The following MYB variants were observed in gnomAD, a reference collection of about 807,000 sequenced individuals.
MYB encodes the protein transcriptional activator Myb.
In MYB, 28 loss-of-function variants were observed where a neutral mutation model predicts 92.9. The ratio of observed to expected loss-of-function variants is 0.30; its 90% CI spans 0.22 to 0.41. The LOEUF is 0.41. Among genes scored for constraint, MYB ranks in the 10% least tolerant of loss-of-function variants. The pLI, the probability that MYB is intolerant of heterozygous loss-of-function variation, is 1.00. For synonymous variants in MYB, 295 were observed against 329.1 expected, an observed-to-expected ratio of 0.90 and a Z score of 1.12; for missense variants, 679 against 929.3, an observed-to-expected ratio of 0.73 and a Z score of 3.50.
At chr6:135,199,575 G>A in intron 11 of MYB, 1 of 1,053,266 alleles carries the variant, frequency 9.5e-7, no homozygotes, top group Non-Finnish European at 1.2e-6. Flanking sequence ...TAGAAGCCAA[G>A]GGATGAGTAA....
Position 135,218,112 on chromosome 6 carries a change from C to T in MYB, c.*132C>T. 1.5e-6 allele frequency: 1 copy of T among 663,524 alleles called. No individual in the cohort carries two copies. Among genetic ancestry groups the T allele is most frequent in the Non-Finnish European group, 2.6e-6 (1 of 380,596 alleles). The allele number at this position is 663,524 out of a possible 1,614,324, so 41.1% of individuals were successfully genotyped here. A position where few individuals can be genotyped will look rare whatever the true frequency, so the allele number is the denominator to read the frequency against. On this transcript the variant is annotated 3_prime_UTR_variant, in exon 16 of 16. Coordinates refer to ENST00000341911, the MANE Select transcript of MYB (RefSeq NM_001130173.2). The stretch of plus-strand genomic sequence containing the variant: ...GTTGTGGTACAACAGTTGAGAGCAG[C>T]ACCAAGTGCATTTAGTTGAATGAAG...
intron 15 of MYB, 78 bp from the exon 16 acceptor site, chr6:135,217,786 G>A: frequency 1.1e-6 from 1 of 945,292 alleles, no homozygotes; most frequent in Non-Finnish European, 1.7e-6. Flanking sequence ...GCCATCTGTT[G>A]GTCAGTGCTG....
chr6:135,214,716 C>T (rs1187680396), intron 15 of MYB, among the ~76,000 whole-genome samples: 8 of 152,186 alleles, frequency 5.3e-5, no homozygotes, highest in Non-Finnish European at 8.8e-5. Context: ...CAAATGCAAG[C>T]TCAGTAACTG....
chr6:135,199,088 T>A, intron 11 of MYB, 38 bp downstream of exon 11: 1 of 1,466,338 alleles, frequency 6.8e-7, no homozygotes, highest in Non-Finnish European at 9.2e-7. Context: ...ATTTATCTTA[T>A]TTACTTATAT....
At chr6:135,187,520 C>G (rs112739432) in intron 2 of MYB, among the ~76,000 whole-genome samples, 10 of 152,180 alleles carry the variant, frequency 6.6e-5, no homozygotes, top group Non-Finnish European at 1.0e-4. Flanking sequence ...TAATATCAGC[C>G]TCATGTTAAT....
chr6:135,217,769 A>G (rs1474664124), intron 15 of MYB, 95 bp from the exon 16 acceptor site: 2 of 838,554 alleles, frequency 2.4e-6, no homozygotes, highest in Admixed American at 2.0e-5. Context: ...CCTGGTGTCA[A>G]CCACTTGCCA....
chr6:135,195,019 C>T, intron 8 of MYB: 3 of 1,336,334 alleles, frequency 2.2e-6, no homozygotes, highest in Non-Finnish European at 3.0e-6. Context: ...ACTGGGATGG[C>T]TCCTTGTGCT....
chr6:135,209,298 A>G (rs1387043675), intron 15 of MYB, among the ~76,000 whole-genome samples: 4 of 152,176 alleles, frequency 2.6e-5, no homozygotes, highest in Admixed American at 2.0e-4. Flanking sequence ...CAGTGGTACA[A>G]TCTTGGCTTA....
At chr6:135,212,821 T>A (rs1034879019) in intron 15 of MYB, among the ~76,000 whole-genome samples, 1 of 152,208 alleles carries the variant, frequency 6.6e-6, no homozygotes, top group Non-Finnish European at 1.5e-5. Flanking sequence ...TGCAAAGATA[T>A]GTATGACAGT....
intron 2 of MYB, among the ~76,000 whole-genome samples, chr6:135,186,353 C>T (rs889796951): frequency 1.3e-5 from 2 of 152,204 alleles, no homozygotes; most frequent in African/African-American, 2.4e-5. Context: ...TCCCTGGCTT[C>T]GCCGGACAGG....
At position 135,187,865 on chromosome 6, in the gene MYB, A is replaced by G. The variant is rs1182150969; in HGVS notation, c.173A>G (p.Asn58Ser). Residue 58 changes from asparagine to serine, a missense_variant, in exon 3 of 16, where the codon AAT (asparagine) becomes AGT (serine). By Grantham distance (46) the Asn-to-Ser change is conservative. Transcript: ENST00000341911. ...DEKLKKLVEQ[N>S]GTDDWKVIAN... Reference sequence around the variant, plus strand: ...AAACTGAAGAAGCTGGTGGAACAGAATGGAACAGATGACTGGAAAGTTATT... The same window carrying G: ...AAACTGAAGAAGCTGGTGGAACAGAGTGGAACAGATGACTGGAAAGTTATT... 2.5e-6 allele frequency: 4 copies of G among 1,610,840 alleles called. No individual in the cohort carries two copies. Among genetic ancestry groups the G allele is most frequent in the Non-Finnish European group, 3.4e-6 (4 of 1,178,270 alleles).
At chr6:135,189,987 AGAGGACTCTATTCCC>A in intron 4 of MYB, 104 bp downstream of exon 4, 1 of 1,393,816 alleles carries the variant, frequency 7.2e-7, no homozygotes, top group Non-Finnish European at 1.0e-6. Flanking sequence ...AACAGGAAGT[AGAGGACTCTATTCCC>A]ATATTTCCAG....
At chr6:135,197,469 GTTAT>G in intron 10 of MYB, 146 bp downstream of exon 10, 1 of 803,016 alleles carries the variant, frequency 1.2e-6, no homozygotes, top group East Asian at 2.6e-5. Context: ...CTGTTGCTAA[GTTAT>G]ACTGCCTCCC....
At chr6:135,209,103 A>T (rs1367178532) in intron 15 of MYB, among the ~76,000 whole-genome samples, 1 of 152,072 alleles carries the variant, frequency 6.6e-6, no homozygotes, top group African/African-American at 2.4e-5. Flanking sequence ...ACATTTCCTT[A>T]CTCTCTTACT....
intron 15 of MYB, among the ~76,000 whole-genome samples, chr6:135,212,566 A>T (rs1332516219): frequency 6.6e-6 from 1 of 152,160 alleles, no homozygotes; most frequent in Non-Finnish European, 1.5e-5. Context: ...GACTGTTTAT[A>T]GTTCACTTCT....
intron 9 of MYB, among the ~76,000 whole-genome samples, chr6:135,196,277 T>C (rs1777293220): frequency 6.6e-6 from 1 of 152,146 alleles, no homozygotes; most frequent in South Asian, 2.1e-4. Context: ...AAAAGTCATA[T>C]TTTTAAAAAT....
chr6:135,209,457 C>T (rs944674876), intron 15 of MYB, among the ~76,000 whole-genome samples: 3 of 152,208 alleles, frequency 2.0e-5, no homozygotes, highest in Non-Finnish European at 4.4e-5. Context: ...CAGGCTCAAA[C>T]TCCCAACCTC....
At chr6:135,208,195 T>C (rs1187857380) in intron 15 of MYB, among the ~76,000 whole-genome samples, 6 of 149,660 alleles carry the variant, frequency 4.0e-5, no homozygotes, top group African/African-American at 1.5e-4. Context: ...TCTTCTGCCT[T>C]AGCCTCTCGA....
Position 135,181,993 on chromosome 6 carries a change from T to C in MYB, c.23+457T>C, listed in dbSNP as rs549218476. ...GATACAGGGAAAATGCTGGATTGTT[T>C]AGTAGCTGCAGGTAGTTCATTTAAA... On this transcript the variant is annotated intron_variant, in intron 1 of 15. Transcript: ENST00000341911. This position sits in a 1 kb window ranked among gnomAD's most constrained non-coding sequence, Gnocchi z 5.3. Among the ~76,000 whole-genome samples, 1 of 152,258 alleles carries C rather than the reference T, an allele frequency of 6.6e-6. No homozygotes were observed. The highest frequency in any genetic ancestry group is 1.5e-5 in the Non-Finnish European group (1 of 68,008).
Sources: allele counts gnomAD v4.1 joint callset (sites outside exome capture counted in the v4.1 genomes callset), GRCh38; gene constraint gnomAD v4.1.1; non-coding constraint Gnocchi (gnomAD v3.1); transcripts MANE v1.5; gene names NCBI Gene and HGNC (gene_info 2026-07-23, HGNC 2026-07-21).